The following ZDHHC21 variants were observed in gnomAD, a reference collection of about 807,000 sequenced individuals.
The protein encoded by ZDHHC21 is zDHHC palmitoyltransferase 21.
ZDHHC21 carries 15 observed loss-of-function variants against 34.6 expected under a neutral mutation model. The observed-to-expected ratio is 0.43, with a 90% CI of 0.29 to 0.67. The LOEUF is 0.67. Ranked by LOEUF, ZDHHC21 falls within the 30% of genes least tolerant of loss-of-function variation. The pLI, the probability that ZDHHC21 is intolerant of heterozygous loss-of-function variation, is 0.14. For missense variants in ZDHHC21, 344 were observed against 327.7 expected, an observed-to-expected ratio of 1.05 and a Z score of -0.38; for synonymous variants, 142 against 101.8, an observed-to-expected ratio of 1.40 and a Z score of -2.38.
rs1823401514 is a variant in ZDHHC21, at chr9:14,612,120, T to C, written c.*6846A>G. On this transcript the variant is annotated 3_prime_UTR_variant, in exon 10 of 10. Transcript: ENST00000380916. The stretch of plus-strand genomic sequence containing the variant: ...TGCTTCATCTCATTAGGCTTTCAAA[T>C]TTTGCTTTCACCTCTAATGATATGT... 1 of 152,010 alleles carries C rather than the reference T, an allele frequency of 6.6e-6. No individual in the cohort carries two copies. The highest frequency in any genetic ancestry group is 2.1e-4 in the South Asian group (1 of 4,826). The allele number at this position is 152,010 out of a possible 1,614,324, so 9.4% of individuals were successfully genotyped here. A position where few individuals can be genotyped will look rare whatever the true frequency, so the allele number is the denominator to read the frequency against.
At chr9:14,589,203 G>C in the ZDHHC21 span, 2 of 152,076 alleles carry the variant, frequency 1.3e-5, no homozygotes, top group Non-Finnish European at 2.9e-5. Flanking sequence ...AACTGCCAGA[G>C]ATAAACACAT....
In ZDHHC21 at chr9:14,613,369, T is replaced by A. The variant is rs768571227; in HGVS notation, c.*5597A>T. The A allele has an allele frequency of 8.6e-5, 13 of 151,870 alleles. No homozygotes were observed. The highest frequency in any genetic ancestry group is 2.9e-4 in the African/African-American group (12 of 41,428). The allele number at this position is 151,870 out of a possible 1,614,324, so 9.4% of individuals were successfully genotyped here. A position where few individuals can be genotyped will look rare whatever the true frequency, so the allele number is the denominator to read the frequency against. ...TGAATAGCACCAGGATGTTTTATAG[T>A]TGTTGAGGTTATAAAACACGAACTT... On this transcript the variant is annotated 3_prime_UTR_variant, in exon 10 of 10. Transcript: ENST00000380916.
At chr9:14,646,434 A>T (rs1410548162) in intron 7 of ZDHHC21, among the ~76,000 whole-genome samples, 1 of 152,216 alleles carries the variant, frequency 6.6e-6, no homozygotes, top group Non-Finnish European at 1.5e-5. Flanking sequence ...TAAAATACAT[A>T]TAAAACATAA....
intron 8 of ZDHHC21, among the ~76,000 whole-genome samples, chr9:14,626,462 G>C (rs1310031147): frequency 6.6e-6 from 1 of 151,716 alleles, no homozygotes; most frequent in Non-Finnish European, 1.5e-5. Flanking sequence ...AGTGATTTAA[G>C]GACATATAAA....
At position 14,658,785 on chromosome 9, in the gene ZDHHC21, G is replaced by A; in HGVS notation, c.468C>T (p.His156=). 6.2e-7 allele frequency: 1 copy of A among 1,613,744 alleles called. No homozygotes were observed. Among genetic ancestry groups the A allele is most frequent in the Non-Finnish European group, 8.5e-7 (1 of 1,179,898 alleles). ...TTTTTAGTGGAAGAAAATAGTAATA[G>A]TGGCAGAAAGAAAACATCAGTGCGT... The part of the protein sequence containing the change: ...TCYALMFSFC[H]YYYFLPLKKR... The change falls in exon 7 of 10, where the codon CAC becomes CAT. Residue 156 remains histidine (H), a synonymous_variant. Coordinates refer to ENST00000380916, the MANE Select transcript of ZDHHC21 (RefSeq NM_178566.6).
intron 2 of ZDHHC21, among the ~76,000 whole-genome samples, chr9:14,681,641 G>C (rs879768845): frequency 3.4e-4 from 51 of 152,032 alleles, no homozygotes; most frequent in Admixed American, 2.2e-3. Flanking sequence ...TTGACTACAT[G>C]CAACTAGGTA....
At position 14,693,419 on chromosome 9, in the gene ZDHHC21, G is replaced by T. The variant is rs112977053; in HGVS notation, c.-415C>A. 9.5e-5 allele frequency: 27 copies of T among 282,892 alleles called. No homozygotes were observed. The highest frequency in any genetic ancestry group is 2.1e-4 in the African/African-American group (9 of 42,402). 17.5% of individuals were successfully genotyped at this position (282,892 alleles called of 1,614,324 possible). ...TGTCCGCATGCCCGCGCGCCCGCGT[G>T]GGGAGGGACGACTGCCGCCGTCGCC... On this transcript the variant is annotated 5_prime_UTR_variant, in exon 1 of 10. Coordinates refer to ENST00000380916, the MANE Select transcript of ZDHHC21 (RefSeq NM_178566.6).
chr9:14,596,530 G>C, the ZDHHC21 span, among the ~76,000 whole-genome samples: 1 of 152,002 alleles, frequency 6.6e-6, no homozygotes, highest in East Asian at 1.9e-4. Context: ...TCACTGGTCC[G>C]GTAGGAAAAG....
At chr9:14,636,634 C>G (rs1489031687) in intron 8 of ZDHHC21, among the ~76,000 whole-genome samples, 1 of 152,038 alleles carries the variant, frequency 6.6e-6, no homozygotes, top group Non-Finnish European at 1.5e-5. Context: ...GAACATTTTC[C>G]AAGATAGACC....
rs1563768800 is a variant in ZDHHC21 at position 14,693,317 on chromosome 9, TC to T, written c.-314del. The T allele has an allele frequency of 2.4e-6, 1 of 416,996 alleles. No homozygotes were observed. Among genetic ancestry groups the T allele is most frequent in the South Asian group, 1.6e-5 (1 of 60,728 alleles). 25.8% of individuals were successfully genotyped at this position (416,996 alleles called of 1,614,324 possible). A position where few individuals can be genotyped will look rare whatever the true frequency, so the allele number is the denominator to read the frequency against. ...CTCCTGCCGCGCCACCTCCGCCTCCTCCGGCGCCGCCGCCCAGGCCGGGCCG... is the reference window on the plus strand; with the variant it reads ...CTCCTGCCGCGCCACCTCCGCCTCCTCGGCGCCGCCGCCCAGGCCGGGCCG... On this transcript the variant is annotated 5_prime_UTR_variant, in exon 1 of 10. It introduces an in-frame stop codon into an upstream open reading frame of the 5' UTR. Coordinates refer to ENST00000380916, the MANE Select transcript of ZDHHC21 (RefSeq NM_178566.6).
chr9:14,637,947 C>A (rs1023344526), intron 8 of ZDHHC21, among the ~76,000 whole-genome samples: 1 of 152,006 alleles, frequency 6.6e-6, no homozygotes, highest in African/African-American at 2.4e-5. Flanking sequence ...AATGACCACA[C>A]TGCCCAAAGC....
chr9:14,638,128 A>T (rs76773521), intron 8 of ZDHHC21, among the ~76,000 whole-genome samples: 12,434 of 152,146 alleles, frequency 0.082, 1,681 homozygotes, highest in African/African-American at 0.28. Flanking sequence ...AAAGTATATT[A>T]TGAGGCTACA....
At chr9:14,689,032 G>A (rs1321361003) in intron 2 of ZDHHC21, among the ~76,000 whole-genome samples, 1 of 152,148 alleles carries the variant, frequency 6.6e-6, no homozygotes, top group East Asian at 1.9e-4. Context: ...GGTCAACAGA[G>A]TGAGATCCTG....
chr9:14,689,423 G>T (rs534896261), intron 2 of ZDHHC21, among the ~76,000 whole-genome samples: 2 of 152,226 alleles, frequency 1.3e-5, no homozygotes, highest in Non-Finnish European at 2.9e-5. Context: ...TTGTAAAAAC[G>T]TGGGTGGACA....
chr9:14,613,692 T>A lies in ZDHHC21; in HGVS notation c.*5274A>T, dbSNP rs1242040041. 1.3e-5 allele frequency: 2 copies of A among 151,838 alleles called. No individual in the cohort carries two copies. The highest frequency in any genetic ancestry group is 2.4e-5 in the African/African-American group (1 of 41,412). The allele number at this position is 151,838 out of a possible 1,614,324, so 9.4% of individuals were successfully genotyped here. On this transcript the variant is annotated 3_prime_UTR_variant, in exon 10 of 10. Transcript: ENST00000380916. ...AATAGAAATGGAGACCTTCGAGGTATCAAGAACTCCAAAATATCCCAAATG... is the reference window on the plus strand; with the variant it reads ...AATAGAAATGGAGACCTTCGAGGTAACAAGAACTCCAAAATATCCCAAATG...
the ZDHHC21 span, chr9:14,589,359 T>TG: frequency 6.6e-6 from 1 of 152,116 alleles, no homozygotes; most frequent in African/African-American, 2.4e-5. Context: ...CTATAATCCC[T>TG]GAAAAAAAGG....
intron 3 of ZDHHC21, among the ~76,000 whole-genome samples, chr9:14,675,007 T>A (rs1272592120): frequency 6.6e-6 from 1 of 152,026 alleles, no homozygotes; most frequent in Non-Finnish European, 1.5e-5. Context: ...AAACATTTTT[T>A]AAGTATTTTG....
chr9:14,686,997 T>C lies in ZDHHC21; in HGVS notation c.-176+3340A>G, dbSNP rs924719031. 6.0e-5 allele frequency among the ~76,000 whole-genome samples: 9 copies of C among 149,092 alleles called. 1 individual carries two copies. The highest frequency in any genetic ancestry group is 2.3e-4 in the African/African-American group (9 of 39,360). On this transcript the variant is annotated intron_variant, in intron 2 of 9. Coordinates refer to ENST00000380916, the MANE Select transcript of ZDHHC21 (RefSeq NM_178566.6). ...CAAAAAAACAAAAAAAAAAACAATG[T>C]TAAAGAGCTGCTACCCCAATGGCAA...
intron 8 of ZDHHC21, among the ~76,000 whole-genome samples, chr9:14,623,737 T>C (rs1379805028): frequency 2.7e-5 from 4 of 149,562 alleles, no homozygotes; most frequent in African/African-American, 9.8e-5. Context: ...TATGAAGAAA[T>C]GTTCAACACC....
Sources: gnomAD v4.1 joint callset for allele counts (sites outside exome capture counted in the v4.1 genomes callset) on GRCh38, gnomAD v4.1.1 for gene constraint, MANE v1.5 for transcripts, NCBI Gene and HGNC (gene_info 2026-07-23, HGNC 2026-07-21) for gene names.